The following ITPK1 variants were observed in gnomAD, a reference collection of about 807,000 sequenced individuals.
ITPK1 encodes the protein inositol-tetrakisphosphate 1-kinase.
In ITPK1, 21 loss-of-function variants were observed where a neutral mutation model predicts 45.3. The observed-to-expected ratio is 0.46, with a 90% confidence interval of 0.33 to 0.67. ITPK1 has a LOEUF of 0.67. ITPK1 is among the 30% of genes least tolerant of loss of function. The pLI, the probability that ITPK1 is intolerant of heterozygous loss-of-function variation, is 0.02. For missense variants in ITPK1, 474 were observed against 573.5 expected (o/e 0.83, Z 1.77); for synonymous variants, 258 against 253.6 (o/e 1.02, Z -0.16).
At chr14:93,017,523 G>A (rs114172798) in intron 3 of ITPK1, among the ~76,000 whole-genome samples, 2,888 of 152,366 alleles carry the variant, frequency 0.019, 98 homozygotes, top group African/African-American at 0.065. Context: ...AACAGTCAGC[G>A]TCACCTGACC....
rs913475093 is a variant in ITPK1 at position 93,063,339 on chromosome 14, T to G, written c.120+13256A>C. ...CACCTGAGATGGCAGAGACCCACAG[T>G]GGAGGCCAAACTCCTGCCCAGTGAG... is the stretch of plus-strand genomic sequence containing the variant. On this transcript the variant is annotated intron_variant, in intron 3 of 10. Transcript: ENST00000267615. The surrounding 1 kb of genome is among the most constrained non-coding windows in gnomAD (Gnocchi z 4.3). Among the ~76,000 whole-genome samples, 21 of 152,134 alleles carry G rather than the reference T, an allele frequency of 1.4e-4. No homozygotes were observed. Among genetic ancestry groups the G allele is most frequent in the African/African-American group, 5.1e-4 (21 of 41,420 alleles).
chr14:92,968,801 C>T (rs765981446), intron 5 of ITPK1, among the ~76,000 whole-genome samples: 4 of 152,198 alleles, frequency 2.6e-5, no homozygotes, highest in African/African-American at 4.8e-5. Context: ...GCAGACACAC[C>T]GGCTGCCTGG....
chr14:93,018,101 T>C (rs1474465352), intron 3 of ITPK1, among the ~76,000 whole-genome samples: 3 of 152,294 alleles, frequency 2.0e-5, no homozygotes, highest in South Asian at 4.1e-4. Flanking sequence ...CACAATCACC[T>C]GGCTGCCTTG....
intron 3 of ITPK1, among the ~76,000 whole-genome samples, chr14:93,051,620 A>G (rs1179252091): frequency 1.1e-5 from 1 of 92,134 alleles, no homozygotes; most frequent in African/African-American, 2.9e-5. Context: ...GTCTCAAAAG[A>G]AAAAAAAAAA....
rs1427671465 is a variant in ITPK1 at position 93,034,001 on chromosome 14, G to A, written c.121-17200C>T. 6.6e-6 allele frequency among the ~76,000 whole-genome samples: 1 copy of A among 152,116 alleles called. No individual in the cohort carries two copies. The highest frequency in any genetic ancestry group is 1.9e-4 in the East Asian group (1 of 5,180). On this transcript the variant is annotated intron_variant, in intron 3 of 10. Transcript: ENST00000267615. This position sits in a 1 kb window ranked among gnomAD's most constrained non-coding sequence, Gnocchi z 4.1. ...TCTTCTGGTGAGGGGCAGGGGTGAG[G>A]CACCAGCTGGCAGCCTTTTTCCAAA... is the stretch of plus-strand genomic sequence containing the variant.
At chr14:92,953,730 G>A (rs2139722046) in intron 8 of ITPK1, among the ~76,000 whole-genome samples, 1 of 152,316 alleles carries the variant, frequency 6.6e-6, no homozygotes, top group South Asian at 2.1e-4. Context: ...GAACACGTGG[G>A]TGCTGAGTGG....
chr14:93,067,845 T>C (rs1890823158), intron 3 of ITPK1: 1 of 153,278 alleles, frequency 6.5e-6, no homozygotes, highest in Non-Finnish European at 1.5e-5. Flanking sequence ...AAGCAAATAG[T>C]AAATGATGGA....
At chr14:92,990,537 G>A (rs975316277) in intron 5 of ITPK1, among the ~76,000 whole-genome samples, 1 of 152,326 alleles carries the variant, frequency 6.6e-6, no homozygotes, top group Middle Eastern at 3.4e-3. Flanking sequence ...CGAAGTGGGT[G>A]GGTTTGAAGC....
chr14:93,058,252 G>A (rs904195520), intron 3 of ITPK1, among the ~76,000 whole-genome samples: 3 of 151,382 alleles, frequency 2.0e-5, no homozygotes, highest in African/African-American at 7.3e-5. Context: ...GGGAGGGCCA[G>A]TCTGGAAGGT....
intron 10 of ITPK1, among the ~76,000 whole-genome samples, chr14:92,943,148 C>T (rs561850670): frequency 8.5e-5 from 13 of 152,374 alleles, no homozygotes; most frequent in South Asian, 8.3e-4. Flanking sequence ...TGGCACTGTG[C>T]GAGCGTCCCG....
intron 3 of ITPK1, among the ~76,000 whole-genome samples, chr14:93,037,342 A>C (rs1362679900): frequency 2.6e-5 from 4 of 152,220 alleles, no homozygotes; most frequent in Non-Finnish European, 5.9e-5. Context: ...CTTTCTTTCA[A>C]ACAGATGGTC....
chr14:92,944,546 T>G (rs1282183071), intron 10 of ITPK1, among the ~76,000 whole-genome samples: 1 of 152,140 alleles, frequency 6.6e-6, no homozygotes, highest in Non-Finnish European at 1.5e-5. Flanking sequence ...CTGGCCTTGC[T>G]CAGGTGCAAA....
At chr14:92,961,227 A>T (rs1362217422) in intron 7 of ITPK1, among the ~76,000 whole-genome samples, 1 of 152,218 alleles carries the variant, frequency 6.6e-6, no homozygotes, top group Admixed American at 6.5e-5. Context: ...GACCCCAGGC[A>T]GTGCTGTGTC....
intron 3 of ITPK1, among the ~76,000 whole-genome samples, chr14:93,035,340 C>T (rs979482579): frequency 6.6e-6 from 1 of 152,184 alleles, no homozygotes; most frequent in African/African-American, 2.4e-5. Context: ...AGTGAGCACA[C>T]AAAGGCAGGC....
intron 4 of ITPK1, among the ~76,000 whole-genome samples, chr14:92,999,716 A>G (rs916940053): frequency 6.6e-6 from 1 of 152,212 alleles, no homozygotes; most frequent in African/African-American, 2.4e-5. Context: ...CTCACCTGTA[A>G]ATGGAGATTG....
intron 2 of ITPK1, among the ~76,000 whole-genome samples, chr14:93,082,792 T>C (rs1891490539): frequency 6.6e-6 from 1 of 152,182 alleles, no homozygotes; most frequent in African/African-American, 2.4e-5. Context: ...TGGCACTGCC[T>C]GGAAATGCTG....
chr14:93,088,709 C>T (rs1042048321), intron 2 of ITPK1, among the ~76,000 whole-genome samples: 4 of 152,084 alleles, frequency 2.6e-5, no homozygotes, highest in African/African-American at 9.7e-5. Context: ...CAGTAGGTTG[C>T]TGGTCTCAAA....
intron 2 of ITPK1, among the ~76,000 whole-genome samples, chr14:93,083,371 C>T (rs1891519418): frequency 6.6e-6 from 1 of 152,136 alleles, no homozygotes; most frequent in South Asian, 2.1e-4. Flanking sequence ...AAGGATATGA[C>T]CTTTCCCACC....
chr14:93,065,265 A>G (rs1360959233), intron 3 of ITPK1, among the ~76,000 whole-genome samples: 1 of 152,216 alleles, frequency 6.6e-6, no homozygotes, highest in Non-Finnish European at 1.5e-5. Context: ...ACTCATGAAA[A>G]TAAATCAAAC....
Sources: allele counts gnomAD v4.1 joint callset (sites outside exome capture counted in the v4.1 genomes callset), GRCh38; gene constraint gnomAD v4.1.1; non-coding constraint Gnocchi (gnomAD v3.1); transcripts MANE v1.5; gene names NCBI Gene and HGNC (gene_info 2026-07-23, HGNC 2026-07-21).